The following CTIF variants were observed in gnomAD, a reference collection of about 807,000 sequenced individuals.
CTIF encodes CBP80/20-dependent translation initiation factor.
CTIF carries 21 observed loss-of-function variants against 66.0 expected under a neutral mutation model. The observed-to-expected ratio is 0.32, with a 90% CI of 0.23 to 0.46. The LOEUF is 0.46. CTIF is among the 20% of genes least tolerant of loss of function. CTIF has a pLI of 1.00. For synonymous variants in CTIF, 345 were observed against 326.4 expected (o/e 1.06, Z -0.62); for missense variants, 739 against 812.7 (o/e 0.91, Z 1.10).
chr18:48,685,870 T>C (rs1399558456), intron 6 of CTIF, among the ~76,000 whole-genome samples: 1 of 151,996 alleles, frequency 6.6e-6, no homozygotes, highest in Non-Finnish European at 1.5e-5. Flanking sequence ...AGAGATGGGG[T>C]TTCACTGTGT....
chr18:48,817,172 G>C (rs1441070681), intron 9 of CTIF, 49 bp from the exon 10 acceptor site: 3 of 1,582,858 alleles, frequency 1.9e-6, no homozygotes, highest in Admixed American at 3.4e-5. Context: ...TGGCACCCAG[G>C]CCCCTCCCCA....
chr18:48,730,712 C>CTTCT (rs1468736114), intron 7 of CTIF, among the ~76,000 whole-genome samples: 1 of 71,174 alleles, frequency 1.4e-5, no homozygotes, highest in Non-Finnish European at 2.7e-5. Context: ...GAGGGGCTTC[C>CTTCT]GCGGTGTGAG....
At chr18:48,561,761 A>G (rs1169784211) in intron 1 of CTIF, among the ~76,000 whole-genome samples, 1 of 152,142 alleles carries the variant, frequency 6.6e-6, no homozygotes, top group Non-Finnish European at 1.5e-5. Flanking sequence ...TGATTTTAGA[A>G]AGTGCCCTGG....
At chr18:48,705,653 G>T (rs962200705) in intron 6 of CTIF, among the ~76,000 whole-genome samples, 2 of 152,232 alleles carry the variant, frequency 1.3e-5, no homozygotes, top group African/African-American at 4.8e-5. Context: ...CACCAGCAAC[G>T]GTCCTCGGAA....
chr18:48,749,364 A>G (rs1433742545), intron 7 of CTIF, among the ~76,000 whole-genome samples: 1 of 152,166 alleles, frequency 6.6e-6, no homozygotes, highest in Middle Eastern at 3.2e-3. Context: ...TTCCCTCGGG[A>G]TGATGGTAGT....
chr18:48,620,333 G>A (rs2144417207), intron 2 of CTIF, among the ~76,000 whole-genome samples: 2 of 152,272 alleles, frequency 1.3e-5, no homozygotes, highest in East Asian at 1.9e-4. Context: ...ACCTTGGAGG[G>A]GAGATGGACT....
chr18:48,675,493 C>G (rs2091612965), intron 6 of CTIF, among the ~76,000 whole-genome samples: 1 of 152,216 alleles, frequency 6.6e-6, no homozygotes, highest in East Asian at 1.9e-4. Flanking sequence ...CCAGCGCCAG[C>G]AGCCAAAGGC....
chr18:48,777,579 A>G (rs541946884), intron 9 of CTIF, among the ~76,000 whole-genome samples: 2 of 152,302 alleles, frequency 1.3e-5, no homozygotes, highest in Admixed American at 6.5e-5. Context: ...GGTAGCTTAG[A>G]AGGAGGACAG....
chr18:48,707,872 A>G (rs547392848), intron 6 of CTIF, among the ~76,000 whole-genome samples: 1 of 152,206 alleles, frequency 6.6e-6, no homozygotes, highest in Non-Finnish European at 1.5e-5. Context: ...GTCATTCTTC[A>G]TTCTTCCCCT....
At chr18:48,656,652 G>T (rs1028243881) in intron 3 of CTIF, among the ~76,000 whole-genome samples, 14 of 152,300 alleles carry the variant, frequency 9.2e-5, no homozygotes, top group African/African-American at 3.4e-4. Context: ...TGTTCTGCCA[G>T]CAGTATGGTG....
chr18:48,627,623 G>T (rs909382565), intron 2 of CTIF, among the ~76,000 whole-genome samples: 1 of 151,996 alleles, frequency 6.6e-6, no homozygotes, highest in Non-Finnish European at 1.5e-5. Flanking sequence ...GGAGGCTGAG[G>T]TGGGAGGATC....
chr18:48,613,423 C>T (rs1053562799), intron 1 of CTIF, among the ~76,000 whole-genome samples: 14 of 152,108 alleles, frequency 9.2e-5, no homozygotes, highest in Non-Finnish European at 4.4e-5. Context: ...AAGGAAGCTA[C>T]AGAGTGCTGG....
At chr18:48,658,317 GTA>G in intron 3 of CTIF, among the ~76,000 whole-genome samples, 1 of 152,146 alleles carries the variant, frequency 6.6e-6, no homozygotes, top group Admixed American at 6.5e-5. Flanking sequence ...GCATGTGCCT[GTA>G]TGTGTGGTGT....
At chr18:48,604,051 T>A (rs993897094) in intron 1 of CTIF, among the ~76,000 whole-genome samples, 3 of 151,588 alleles carry the variant, frequency 2.0e-5, no homozygotes, top group African/African-American at 7.3e-5. Flanking sequence ...TTTCACCATG[T>A]TGCCCATGAG....
At chr18:48,750,029 T>C (rs1285193847) in intron 7 of CTIF, among the ~76,000 whole-genome samples, 1 of 152,246 alleles carries the variant, frequency 6.6e-6, no homozygotes, top group Non-Finnish European at 1.5e-5. Flanking sequence ...TCAGAACTTT[T>C]GAGGCTGAGG....
At chr18:48,840,449 TAGAAAA>T (rs1277105113) in intron 10 of CTIF, among the ~76,000 whole-genome samples, 3 of 152,184 alleles carry the variant, frequency 2.0e-5, no homozygotes, top group East Asian at 1.9e-4. Flanking sequence ...CATCTCGACT[TAGAAAA>T]AGAGTTGCCC....
intron 2 of CTIF, among the ~76,000 whole-genome samples, chr18:48,623,115 G>T (rs967488001): frequency 1.3e-5 from 2 of 152,252 alleles, no homozygotes; most frequent in African/African-American, 4.8e-5. Flanking sequence ...CCTGACTCAC[G>T]CTTGGATGCC....
intron 9 of CTIF, among the ~76,000 whole-genome samples, chr18:48,786,536 T>C (rs1911723661): frequency 6.6e-6 from 1 of 152,178 alleles, no homozygotes; most frequent in Non-Finnish European, 1.5e-5. Flanking sequence ...ACAGTGCATA[T>C]CAGGATTGAA....
chr18:48,616,183 A>G (rs1047766053), intron 1 of CTIF, among the ~76,000 whole-genome samples: 1 of 152,240 alleles, frequency 6.6e-6, no homozygotes, highest in Non-Finnish European at 1.5e-5. Context: ...TAGGTGTGCC[A>G]GGGAGCCCTT....
Sources: allele counts gnomAD v4.1 joint callset (sites outside exome capture counted in the v4.1 genomes callset), GRCh38; gene constraint gnomAD v4.1.1; transcripts MANE v1.5; gene names NCBI Gene and HGNC (gene_info 2026-07-23, HGNC 2026-07-21).